FER: variants seen among roughly 807,000 people sequenced by gnomAD.
FER encodes FER tyrosine kinase.
A neutral mutation model predicts 111.0 loss-of-function variants in FER; 63 were observed. The ratio of observed to expected loss-of-function variants is 0.57; its 90% confidence interval spans 0.46 to 0.70. The LOEUF (loss-of-function observed/expected upper bound fraction) is 0.70. FER is among the 30% of genes least tolerant of loss of function. FER has a pLI of 0.00. For synonymous variants in FER, 327 were observed against 313.9 expected, an observed-to-expected ratio of 1.04 and a Z score of -0.44; for missense variants, 914 against 954.0, an observed-to-expected ratio of 0.96 and a Z score of 0.55.
chr5:108,831,971 T>C (rs1554073917), intron 3 of FER, among the ~76,000 whole-genome samples: 1 of 133,082 alleles, frequency 7.5e-6, no homozygotes, highest in East Asian at 2.0e-4. Flanking sequence ...CCTCTGTTCC[T>C]TTTTTTTTTA....
At chr5:108,987,539 A>G (rs777736574) in intron 13 of FER, among the ~76,000 whole-genome samples, 2 of 152,118 alleles carry the variant, frequency 1.3e-5, no homozygotes, top group Admixed American at 6.6e-5. Context: ...ATTTTATTTT[A>G]TTTTATTTGC....
At chr5:108,846,091 A>G (rs1442277837) in intron 5 of FER, among the ~76,000 whole-genome samples, 1 of 152,148 alleles carries the variant, frequency 6.6e-6, no homozygotes, top group African/African-American at 2.4e-5. Flanking sequence ...TCATTTTCAT[A>G]TGAGGATAAT....
At chr5:109,147,095 C>G (rs999752644) in intron 17 of FER, among the ~76,000 whole-genome samples, 4 of 151,206 alleles carry the variant, frequency 2.6e-5, no homozygotes. Flanking sequence ...AGATGAAAGG[C>G]AAGTCACAGA....
At chr5:108,827,688 T>G (rs533215309) in intron 3 of FER, among the ~76,000 whole-genome samples, 12 of 152,180 alleles carry the variant, frequency 7.9e-5, no homozygotes, top group East Asian at 5.8e-4. Context: ...TTTTTGTTGT[T>G]GTGCTGTATT....
rs146801097 is a variant in FER at position 109,124,070 on chromosome 5, C to CAA, written c.2048+23560_2048+23561dup. On this transcript the variant is annotated intron_variant, in intron 17 of 19. Coordinates refer to ENST00000281092, the MANE Select transcript of FER (RefSeq NM_005246.4). ...CAAAACCTGATCTCTACAAAAAATACAAAAAAAAAATAGCAGGGCATGATG... is the reference window on the plus strand; with the variant it reads ...CAAAACCTGATCTCTACAAAAAATACAAAAAAAAAAAATAGCAGGGCATGATG... Among the ~76,000 whole-genome samples the CAA allele has an allele frequency of 1.0e-4, 15 of 147,000 alleles. No individual in the cohort carries two copies. The East Asian group carries it at 1.4e-3, about 13-fold the overall frequency.
chr5:108,875,862 T>A (rs779573618), intron 8 of FER, among the ~76,000 whole-genome samples: 37 of 152,216 alleles, frequency 2.4e-4, no homozygotes, highest in Non-Finnish European at 5.1e-4. Context: ...TTTTCTGATT[T>A]CAAATGAGGT....
chr5:108,963,241 C>T lies in FER; in HGVS notation c.1656+3894C>T, dbSNP rs1242365797. 2.4e-4 allele frequency among the ~76,000 whole-genome samples: 37 copies of T among 151,970 alleles called. 1 individual carries two copies. Among genetic ancestry groups the T allele is most frequent in the Admixed American group, 2.4e-3 (37 of 15,232 alleles). ...TTAAGTAAGAAATCGCTTTCTGAAT[C>T]GAAGGTAAAGCAAAAACATTTATGA... is the stretch of plus-strand genomic sequence containing the variant. On this transcript the variant is annotated intron_variant, in intron 13 of 19. Coordinates refer to ENST00000281092, the MANE Select transcript of FER (RefSeq NM_005246.4).
intron 10 of FER, among the ~76,000 whole-genome samples, chr5:108,917,890 A>G (rs1331321671): frequency 6.6e-6 from 1 of 152,168 alleles, no homozygotes; most frequent in Non-Finnish European, 1.5e-5. Flanking sequence ...TAAACCTCAC[A>G]TTGCAGGGCT....
chr5:109,110,319 G>A (rs1316296107), intron 17 of FER, among the ~76,000 whole-genome samples: 1 of 152,134 alleles, frequency 6.6e-6, no homozygotes, highest in African/African-American at 2.4e-5. Context: ...GAAAGGGATG[G>A]TGGAGATGGG....
intron 5 of FER, among the ~76,000 whole-genome samples, chr5:108,853,386 T>C (rs896908256): frequency 6.6e-6 from 1 of 152,180 alleles, no homozygotes; most frequent in African/African-American, 2.4e-5. Context: ...AGATAGCTGA[T>C]TCATAAAATA....
intron 13 of FER, among the ~76,000 whole-genome samples, chr5:109,008,125 A>G (rs562836759): frequency 6.6e-6 from 1 of 152,318 alleles, no homozygotes; most frequent in South Asian, 2.1e-4. Context: ...GTGGATTAAA[A>G]TTATAATCTT....
intron 16 of FER, among the ~76,000 whole-genome samples, chr5:109,096,529 C>G (rs74767640): frequency 0.019 from 2,820 of 152,008 alleles, 70 homozygotes; most frequent in African/African-American, 0.064. Context: ...ATGCTTTCAT[C>G]CTAAGGCTGC....
chr5:108,866,421 A>G (rs751099375), intron 5 of FER, among the ~76,000 whole-genome samples: 1 of 152,050 alleles, frequency 6.6e-6, no homozygotes, highest in Non-Finnish European at 1.5e-5. Flanking sequence ...AACATTACAC[A>G]CCAAGGACTG....
chr5:109,051,438 G>A lies in FER; in HGVS notation c.1924+4240G>A. 2.5e-6 allele frequency: 4 copies of A among 1,612,862 alleles called. No homozygotes were observed. In the South Asian group the frequency reaches 3.3e-5, roughly 13 times the overall value. Reference sequence around the variant, plus strand: ...CAGCAGCTAGTTTTTTAGAATTCTGGTTATCATCGGGGAAATCAAAAGGCT... The same window carrying A: ...CAGCAGCTAGTTTTTTAGAATTCTGATTATCATCGGGGAAATCAAAAGGCT... On this transcript the variant is annotated intron_variant, in intron 16 of 19. Transcript: ENST00000281092.
rs531855410 is a variant in FER at position 108,914,361 on chromosome 5, C to T, written c.1236+16513C>T. Among the ~76,000 whole-genome samples, 4 of 152,080 alleles carry T rather than the reference C, an allele frequency of 2.6e-5. No individual in the cohort carries two copies. In the South Asian group the frequency reaches 8.3e-4, roughly 32 times the overall value. On this transcript the variant is annotated intron_variant, in intron 10 of 19. Transcript: ENST00000281092. ...AACCATATATGCCATACTTACTTTT[C>T]TCTGTTACCGACTCTCTAACCATTA...
In FER at chr5:108,959,300, G is replaced by GTCA; in HGVS notation, c.1613_1615dup (p.Ile538dup). On this transcript the variant is annotated inframe_insertion, in exon 13 of 20. Coordinates refer to ENST00000281092, the MANE Select transcript of FER (RefSeq NM_005246.4). The stretch of plus-strand genomic sequence containing the variant: ...AGATCATCACTATACAACAAAACAG[G>GTCA]TCATCACTAAGAAATCAGGTGTAGT... The GTCA allele has an allele frequency of 6.2e-7, 1 of 1,611,830 alleles. No individual in the cohort carries two copies. The highest frequency in any genetic ancestry group is 8.5e-7 in the Non-Finnish European group (1 of 1,178,666).
chr5:108,843,729 A>C (rs1050086280), intron 5 of FER, among the ~76,000 whole-genome samples: 1 of 151,890 alleles, frequency 6.6e-6, no homozygotes, highest in Admixed American at 6.6e-5. Context: ...GGGTTTCACC[A>C]TGTTGGCCAG....
chr5:109,189,450 T>C lies in FER; in HGVS notation c.*1875T>C, dbSNP rs894589263. On this transcript the variant is annotated 3_prime_UTR_variant, in exon 20 of 20. Coordinates refer to ENST00000281092, the MANE Select transcript of FER (RefSeq NM_005246.4). ...CAGTACTTTAGAGTATGAAAGATAA[T>C]ACTGAAGAGAAAAGTGACTTGTATC... The C allele has an allele frequency of 3.3e-5, 5 of 152,190 alleles. No individual in the cohort carries two copies. The highest frequency in any genetic ancestry group is 4.8e-5 in the African/African-American group (2 of 41,450). 9.4% of individuals were successfully genotyped at this position (152,190 alleles called of 1,614,324 possible).
intron 2 of FER, among the ~76,000 whole-genome samples, chr5:108,783,918 T>A (rs1417022437): frequency 2.0e-5 from 3 of 152,182 alleles, no homozygotes; most frequent in Admixed American, 2.0e-4. Flanking sequence ...ATTGGATATC[T>A]AGCAAAACTG....
Sources: allele counts gnomAD v4.1 joint callset (sites outside exome capture counted in the v4.1 genomes callset), GRCh38; gene constraint gnomAD v4.1.1; transcripts MANE v1.5; gene names NCBI Gene and HGNC (gene_info 2026-07-23, HGNC 2026-07-21).